Variants in PIP4K2A observed in about 807,000 individuals in gnomAD.
PIP4K2A encodes phosphatidylinositol-5-phosphate 4-kinase type 2 alpha, also known as phosphatidylinositol 5-phosphate 4-kinase type-2 alpha.
In PIP4K2A, 14 loss-of-function variants were observed where a neutral mutation model predicts 42.9. The observed-to-expected ratio is 0.33, with a 90% CI of 0.22 to 0.51. PIP4K2A has a LOEUF of 0.51. Among genes scored for constraint, PIP4K2A ranks in the 20% least tolerant of loss-of-function variants. PIP4K2A has a pLI of 0.97. For synonymous variants in PIP4K2A, 192 were observed against 192.2 expected (o/e 1.00, Z 0.01); for missense variants, 434 against 519.8 (o/e 0.83, Z 1.61).
In PIP4K2A at chr10:22,534,894, ACT is replaced by A. The variant is rs1287007466; in HGVS notation, c.*2305_*2306del. 1.3e-5 allele frequency: 2 copies of A among 152,330 alleles called. No individual in the cohort carries two copies. Among genetic ancestry groups the A allele is most frequent in the Non-Finnish European group, 1.5e-5 (1 of 68,024 alleles). The allele number at this position is 152,330 out of a possible 1,614,324, so 9.4% of individuals were successfully genotyped here. Reference sequence around the variant, plus strand: ...ATTTCTTCAAGGATTAGCTAAAGACACTGTCAGGACCGAGTATTTAAAATGTG... The same window carrying A: ...ATTTCTTCAAGGATTAGCTAAAGACAGTCAGGACCGAGTATTTAAAATGTG... On this transcript the variant is annotated 3_prime_UTR_variant, in exon 10 of 10. Transcript: ENST00000376573.
intron 3 of PIP4K2A, among the ~76,000 whole-genome samples, chr10:22,606,772 G>A (rs1837916198): frequency 6.6e-6 from 1 of 152,320 alleles, no homozygotes; most frequent in East Asian, 1.9e-4. Context: ...ATTGAGGGCA[G>A]ATTAGGACTA....
intron 1 of PIP4K2A, among the ~76,000 whole-genome samples, chr10:22,673,443 T>C (rs543328615): frequency 2.0e-5 from 3 of 152,316 alleles, no homozygotes; most frequent in Non-Finnish European, 2.9e-5. Flanking sequence ...CCAGGTGCTC[T>C]GGCCCTGGCC....
At chr10:22,578,193 A>C (rs915394762) in intron 4 of PIP4K2A, among the ~76,000 whole-genome samples, 41 of 152,232 alleles carry the variant, frequency 2.7e-4, no homozygotes, top group African/African-American at 9.9e-4. Flanking sequence ...AAGTAAAAAG[A>C]AACACAAACC....
At chr10:22,569,503 C>T (rs1440985608) in intron 5 of PIP4K2A, among the ~76,000 whole-genome samples, 1 of 152,202 alleles carries the variant, frequency 6.6e-6, no homozygotes, top group Admixed American at 6.5e-5. Flanking sequence ...CCAGAAGTAC[C>T]TTCCTTTACA....
chr10:22,554,363 C>T (rs148431963), intron 6 of PIP4K2A, among the ~76,000 whole-genome samples: 218 of 152,278 alleles, frequency 1.4e-3, no homozygotes, highest in African/African-American at 4.9e-3. Flanking sequence ...ACAAAGATGA[C>T]GTCTGCAGAG....
chr10:22,607,727 T>C, intron 3 of PIP4K2A, 200 bp downstream of exon 3: 1 of 382,178 alleles, frequency 2.6e-6, no homozygotes, highest in Non-Finnish European at 4.8e-6. Context: ...TACTGACTTT[T>C]ATACCGGTAT....
chr10:22,612,290 C>T (rs1371877015), intron 1 of PIP4K2A, among the ~76,000 whole-genome samples: 2 of 152,164 alleles, frequency 1.3e-5, no homozygotes, highest in African/African-American at 4.8e-5. Context: ...TGAACTCTAA[C>T]AATGACAGAG....
intron 5 of PIP4K2A, among the ~76,000 whole-genome samples, chr10:22,570,899 A>G (rs1476430045): frequency 2.6e-5 from 4 of 152,120 alleles, no homozygotes; most frequent in African/African-American, 9.7e-5. Flanking sequence ...TCATTTCAGA[A>G]ACCTCTGAAG....
At chr10:22,640,857 T>TA (rs1838769226) in intron 1 of PIP4K2A, among the ~76,000 whole-genome samples, 1 of 151,974 alleles carries the variant, frequency 6.6e-6, no homozygotes, top group Admixed American at 6.6e-5. Flanking sequence ...ATATTCTACA[T>TA]AAACATAGAG....
At chr10:22,705,372 C>A (rs1669018538) in intron 1 of PIP4K2A, among the ~76,000 whole-genome samples, 1 of 121,550 alleles carries the variant, frequency 8.2e-6, no homozygotes, top group African/African-American at 3.2e-5. Context: ...TTTCAATTTT[C>A]TTGGCTGCAG....
At chr10:22,670,103 G>C (rs1462880546) in intron 1 of PIP4K2A, among the ~76,000 whole-genome samples, 1 of 152,202 alleles carries the variant, frequency 6.6e-6, no homozygotes, top group Admixed American at 6.5e-5. Context: ...GACAGGCCAG[G>C]TGTTGTGGCT....
chr10:22,625,873 T>C (rs1838425531), intron 1 of PIP4K2A, among the ~76,000 whole-genome samples: 1 of 152,154 alleles, frequency 6.6e-6, no homozygotes, highest in African/African-American at 2.4e-5. Flanking sequence ...AGAAGAGAAA[T>C]AAAGTTAAAT....
intron 1 of PIP4K2A, among the ~76,000 whole-genome samples, chr10:22,667,537 C>T (rs1270056029): frequency 3.3e-5 from 5 of 152,048 alleles, no homozygotes; most frequent in African/African-American, 9.7e-5. Context: ...CTTATAAAAT[C>T]GATAATCGTA....
At chr10:22,664,193 A>ATG (rs1491108151) in intron 1 of PIP4K2A, among the ~76,000 whole-genome samples, 7 of 65,696 alleles carry the variant, frequency 1.1e-4, no homozygotes, top group Non-Finnish European at 1.7e-4. Context: ...ATATATATAC[A>ATG]TATATATATA....
chr10:22,543,950 T>C (rs1022174351), intron 7 of PIP4K2A, among the ~76,000 whole-genome samples: 3 of 152,182 alleles, frequency 2.0e-5, no homozygotes, highest in Non-Finnish European at 4.4e-5. Flanking sequence ...GCTCAGCAGC[T>C]GGACGAGAGT....
chr10:22,570,479 A>AG (rs1836958493), intron 5 of PIP4K2A, among the ~76,000 whole-genome samples: 1 of 152,212 alleles, frequency 6.6e-6, no homozygotes, highest in Non-Finnish European at 1.5e-5. Context: ...GGATTTCCCC[A>AG]GGGGCAATTC....
intron 3 of PIP4K2A, among the ~76,000 whole-genome samples, chr10:22,605,756 G>GAGA (rs1234541498): frequency 1.3e-5 from 2 of 151,752 alleles, no homozygotes; most frequent in African/African-American, 4.8e-5. Flanking sequence ...AGGACGTGGA[G>GAGA]AGAAGGAGGA....
At chr10:22,713,703 C>G (rs1306929484) in intron 1 of PIP4K2A, among the ~76,000 whole-genome samples, 1 of 152,162 alleles carries the variant, frequency 6.6e-6, no homozygotes, top group African/African-American at 2.4e-5. Flanking sequence ...GTGGGAGGCT[C>G]GCACGCGCCC....
intron 1 of PIP4K2A, among the ~76,000 whole-genome samples, chr10:22,635,418 AT>A (rs370020630): frequency 1.7e-3 from 255 of 152,320 alleles, no homozygotes; most frequent in African/African-American, 5.9e-3. Flanking sequence ...CTGTAAAAAA[AT>A]AATGTCCATT....
Sources: gnomAD v4.1 joint callset for allele counts (sites outside exome capture counted in the v4.1 genomes callset) on GRCh38, gnomAD v4.1.1 for gene constraint, MANE v1.5 for transcripts, NCBI Gene and HGNC (gene_info 2026-07-23, HGNC 2026-07-21) for gene names.